Variants in CEP170B observed in about 807,000 individuals in gnomAD.
CEP170B encodes the protein centrosomal protein of 170 kDa protein B.
CEP170B carries 55 observed loss-of-function variants against 120.6 expected under a neutral mutation model. The observed-to-expected ratio is 0.46, with a 90% CI of 0.37 to 0.57. The LOEUF (loss-of-function observed/expected upper bound fraction) is 0.57. Ranked by LOEUF, CEP170B falls within the 20% of genes least tolerant of loss-of-function variation. The pLI, the probability that CEP170B is intolerant of heterozygous loss-of-function variation, is 0.00. For synonymous variants in CEP170B, 1,033 were observed against 954.5 expected, an observed-to-expected ratio of 1.08 and a Z score of -1.52; for missense variants, 2,212 against 2,253.3, an observed-to-expected ratio of 0.98 and a Z score of 0.37.
upstream of CEP170B, among the ~76,000 whole-genome samples, chr14:104,864,837 G>C (rs756332451): frequency 4.5e-4 from 69 of 152,156 alleles, no homozygotes; most frequent in Non-Finnish European, 9.7e-4. The surrounding 1 kb of genome is among the most constrained non-coding windows in gnomAD (Gnocchi z 5.9). Flanking sequence ...GACTCGAGGC[G>C]CGGCTGGAGC....
In CEP170B at chr14:104,887,026, C is replaced by G. The variant is rs570022186; in HGVS notation, c.2787C>G (p.Leu929=). The G allele has an allele frequency of 4.3e-6, 7 of 1,611,078 alleles. No individual in the cohort carries two copies. In the South Asian group the frequency reaches 5.5e-5, roughly 13 times the overall value. ...TALAALEARL[L]SNSVDAECEG... ...TGGCGGCCCTGGAGGCCCGACTCCT[C>G]TCTAATTCTGTGGATGCCGAGTGTG... Residue 929 remains leucine, a synonymous_variant, in exon 12 of 19, where the codon CTC becomes CTG. Transcript: ENST00000414716.
Position 104,887,727 on chromosome 14 carries a change from A to G in CEP170B, c.3488A>G (p.Lys1163Arg). Reference sequence around the variant, plus strand: ...CGGCCAGCTGCTGAGCAGGCCAAGAAGCTGTCACGCCTGGACATCCTGGCC... The same window carrying G: ...CGGCCAGCTGCTGAGCAGGCCAAGAGGCTGTCACGCCTGGACATCCTGGCC... Reference protein sequence around the residue: ...VGRPAAEQAKKLSRLDILAMP... With the variant: ...VGRPAAEQAKRLSRLDILAMP... Residue 1163 changes from lysine (K) to arginine (R), a missense_variant, in exon 12 of 19, where the codon AAG (lysine) becomes AGG (arginine). Physicochemically the swap from Lys to Arg is conservative, Grantham distance 26. This residue lies in a region of CEP170B where 2,166 missense variants were observed against 2,166.7 expected (regional missense o/e 1.00). Transcript: ENST00000414716. 6.3e-7 allele frequency: 1 copy of G among 1,586,700 alleles called. No homozygotes were observed. Among genetic ancestry groups the G allele is most frequent in the Non-Finnish European group, 8.6e-7 (1 of 1,168,346 alleles).
Position 104,884,479 on chromosome 14 carries a change from C to T in CEP170B, c.1700C>T (p.Ala567Val), listed in dbSNP as rs1896343688. The change falls in exon 9 of 19, where the codon GCA becomes GTA. Residue 567 changes from alanine to valine, a missense_variant. Physicochemically the swap from Ala to Val is moderately conservative, Grantham distance 64. This residue lies in a region of CEP170B where 2,166 missense variants were observed against 2,166.7 expected (regional missense o/e 1.00). Transcript: ENST00000414716. ...KQEEDDSLSD[A>V]GTYTIETEAQ... is the part of the protein sequence containing the mutation. ...GAGGAGGACGACAGCCTCAGTGACG[C>T]AGGGACATACACCATCGAGACCGAG... 1.3e-6 allele frequency: 2 copies of T among 1,563,570 alleles called. No homozygotes were observed. The highest frequency in any genetic ancestry group is 1.7e-6 in the Non-Finnish European group (2 of 1,153,926).
intron 12 of CEP170B, among the ~76,000 whole-genome samples, chr14:104,889,261 C>T (rs974815928): frequency 2.0e-5 from 3 of 152,148 alleles, no homozygotes; most frequent in South Asian, 2.1e-4. Context: ...AGACTGCTCC[C>T]GGGTTGCAGC....
At chr14:104,869,680 G>T (rs574064499) in intron 2 of CEP170B, among the ~76,000 whole-genome samples, 1 of 152,306 alleles carries the variant, frequency 6.6e-6, no homozygotes, top group Admixed American at 6.5e-5. Context: ...CCTTGGGAAT[G>T]GGATCAGGGA....
intron 9 of CEP170B, 31 bp downstream of exon 9, chr14:104,884,580 TG>T: frequency 7.1e-7 from 1 of 1,400,000 alleles, no homozygotes; most frequent in South Asian, 1.3e-5. Context: ...AGAGCCCTCG[TG>T]GGGAACGGGG....
At position 104,894,548 on chromosome 14, in the gene CEP170B, C is replaced by T. The variant is rs1277467698; in HGVS notation, c.4377C>T (p.Ser1459=). The change falls in exon 18 of 19, where the codon TCC becomes TCT. Residue 1459 remains serine (S), a synonymous_variant. Coordinates refer to ENST00000414716, the MANE Select transcript of CEP170B (RefSeq NM_001112726.3). ...TGCCACGTTTCCAGGAAATCAGCTC[C>T]ATCCTGAAGGAACTGAGGCGGGTGC... is the stretch of plus-strand genomic sequence containing the variant. ...ILKTSNKEIS[S]ILKELRRVQK... 6.2e-7 allele frequency: 1 copy of T among 1,612,624 alleles called. No individual in the cohort carries two copies.
Position 104,883,919 on chromosome 14 carries a change from C to T in CEP170B, c.1140C>T (p.Ser380=), listed in dbSNP as rs747547386. 9.4e-5 allele frequency: 150 copies of T among 1,595,506 alleles called. No individual in the cohort carries two copies. The highest frequency in any genetic ancestry group is 1.2e-4 in the Non-Finnish European group (142 of 1,171,534). The change falls in exon 9 of 19, where the codon AGC becomes AGT. Residue 380 remains serine, a synonymous_variant. Transcript: ENST00000414716. ...ASAAGVPLEA[S]GEQVRLQRQI... ...CCGCTGGGGTGCCCTTGGAGGCCAG[C>T]GGGGAGCAGGTGCGGCTGCAGAGGC...
In CEP170B at chr14:104,890,566, G is replaced by A. The variant is rs111206930; in HGVS notation, c.3878+808G>A. ...GATGGGTGAGTAGGTGGGTGGGTGG[G>A]TGGATGGATGGATGGATGGATGGGT... On this transcript the variant is annotated intron_variant, in intron 13 of 18. Transcript: ENST00000414716. Among the ~76,000 whole-genome samples the A allele has an allele frequency of 8.6e-3, 666 of 77,830 alleles. 8 individuals are homozygous for A. Among genetic ancestry groups the A allele is most frequent in the South Asian group, 0.014 (25 of 1,810 alleles). 51.1% of individuals were successfully genotyped at this position (77,830 alleles called of 152,430 possible).
Position 104,886,692 on chromosome 14 carries a change from A to G in CEP170B, c.2453A>G (p.Asp818Gly), listed in dbSNP as rs920437914. The change falls in exon 12 of 19, where the codon GAT becomes GGT. Residue 818 changes from aspartate to glycine, a missense_variant. Asp to Gly is a moderately conservative substitution (Grantham distance 94, BLOSUM62 -1). This residue lies in a region of CEP170B where 2,166 missense variants were observed against 2,166.7 expected (regional missense o/e 1.00). Transcript: ENST00000414716. ...AGGAAACCGCTTGCGGCTCCAGGGG[A>G]TGGGGAGGGCCTAGGGCAGACAGCC... ...LSRKPLAAPG[D>G]GEGLGQTAQP... The G allele has an allele frequency of 1.9e-6, 3 of 1,559,592 alleles. No homozygotes were observed. The highest frequency in any genetic ancestry group is 1.7e-6 in the Non-Finnish European group (2 of 1,153,902).
At position 104,883,933 on chromosome 14, in the gene CEP170B, G is replaced by A. The variant is rs376478179; in HGVS notation, c.1154G>A (p.Arg385Gln). Residue 385 changes from arginine to glutamine, a missense_variant, in exon 9 of 19, where the codon CGG (arginine) becomes CAG (glutamine). Coordinates refer to ENST00000414716, the MANE Select transcript of CEP170B (RefSeq NM_001112726.3). ...VPLEASGEQV[R>Q]LQRQIKRDPQ... Reference sequence around the variant, plus strand: ...TTGGAGGCCAGCGGGGAGCAGGTGCGGCTGCAGAGGCAGATCAAGCGGGAC... The same window carrying A: ...TTGGAGGCCAGCGGGGAGCAGGTGCAGCTGCAGAGGCAGATCAAGCGGGAC... 3.1e-5 allele frequency: 49 copies of A among 1,601,632 alleles called. No individual in the cohort carries two copies. The highest frequency in any genetic ancestry group is 4.5e-5 in the East Asian group (2 of 44,490).
rs199647851 is a variant in CEP170B at position 104,886,784 on chromosome 14, C to T, written c.2545C>T (p.Arg849Trp). ...SANGRMVIQL[R>W]PGRSPEPDGP... ...CAATGGGAGAATGGTCATCCAGCTA[C>T]GGCCTGGACGGTCCCCAGAACCCGA... The change falls in exon 12 of 19, where the codon CGG becomes TGG. Residue 849 changes from arginine (R) to tryptophan (W), a missense_variant. Coordinates refer to ENST00000414716, the MANE Select transcript of CEP170B (RefSeq NM_001112726.3). 45 of 1,611,498 alleles carry T rather than the reference C, an allele frequency of 2.8e-5. No homozygotes were observed. The highest frequency in any genetic ancestry group is 6.7e-5 in the East Asian group (3 of 44,890).
rs1896861558 is a variant in CEP170B at position 104,891,697 on chromosome 14, G to T, written c.3879-1279G>T. Among the ~76,000 whole-genome samples the T allele has an allele frequency of 1.3e-5, 2 of 152,082 alleles. No individual in the cohort carries two copies. The highest frequency in any genetic ancestry group is 6.5e-5 in the Admixed American group (1 of 15,274). Reference sequence around the variant, plus strand: ...GCTTCCAGGCCTGAGAGCAGAAGGGGATGTGGGGGGCCCATGTGGGTTTCT... The same window carrying T: ...GCTTCCAGGCCTGAGAGCAGAAGGGTATGTGGGGGGCCCATGTGGGTTTCT... On this transcript the variant is annotated intron_variant, in intron 13 of 18. Coordinates refer to ENST00000414716, the MANE Select transcript of CEP170B (RefSeq NM_001112726.3). This position sits in a 1 kb window ranked among gnomAD's most constrained non-coding sequence, Gnocchi z 4.3.
chr14:104,888,216 C>T (rs572937972), intron 12 of CEP170B, among the ~76,000 whole-genome samples: 1 of 152,326 alleles, frequency 6.6e-6, no homozygotes, highest in African/African-American at 2.4e-5. Context: ...CCATCTCTGG[C>T]GTGGAGAGGG....
chr14:104,885,241 C>T (rs1003764662), intron 9 of CEP170B, 128 bp from the exon 10 acceptor site: 36 of 1,054,598 alleles, frequency 3.4e-5, no homozygotes, highest in African/African-American at 1.7e-4. Flanking sequence ...CTGCATGTCC[C>T]GGCCACCAGC....
In CEP170B at chr14:104,872,411, GC is replaced by G. The variant is rs150086341; in HGVS notation, c.106-3843del. Among the ~76,000 whole-genome samples, 13 of 68,458 alleles carry G rather than the reference GC, an allele frequency of 1.9e-4. 1 individual carries two copies. The highest frequency in any genetic ancestry group is 1.1e-3 in the Admixed American group (6 of 5,692). 44.9% of individuals were successfully genotyped at this position (68,458 alleles called of 152,430 possible). On this transcript the variant is annotated intron_variant, in intron 2 of 18. Transcript: ENST00000414716. The stretch of plus-strand genomic sequence containing the variant: ...GTGTGCCGTGGGTGTGCGTGGGTGT[GC>G]CGTGGGTGTGCCGTGCGTGTGTGCG...
At chr14:104,877,862 C>T (rs746666943) in intron 3 of CEP170B, 23 bp from the exon 4 acceptor site, 26 of 1,192,886 alleles carry the variant, frequency 2.2e-5, no homozygotes, top group African/African-American at 3.4e-5. Flanking sequence ...CCCCCCCCCC[C>T]CCCGCCACCT....
intron 9 of CEP170B, 28 bp from the exon 10 acceptor site, chr14:104,885,341 G>A (rs755789070): frequency 5.9e-6 from 9 of 1,527,912 alleles, no homozygotes; most frequent in South Asian, 1.2e-5. Context: ...TCTGACCCTC[G>A]GTGCCTGGGA....
rs1461705858 is a variant in CEP170B at position 104,886,101 on chromosome 14, C to G, written c.2006C>G (p.Ala669Gly). The part of the protein sequence containing the change: ...QKWVSRWASL[A>G]DSYSDPGLTE... The stretch of plus-strand genomic sequence containing the variant: ...TGGGTGTCCCGCTGGGCCAGCCTGG[C>G]TGACAGCTACTCAGACCCGGGCCTC... Residue 669 changes from alanine (A) to glycine (G), a missense_variant, in exon 11 of 19, where the codon GCT becomes GGT. By Grantham distance (60) the Ala-to-Gly change is moderately conservative (BLOSUM62 0). This residue lies in a region of CEP170B where 2,166 missense variants were observed against 2,166.7 expected (regional missense o/e 1.00). Coordinates refer to ENST00000414716, the MANE Select transcript of CEP170B (RefSeq NM_001112726.3). 1.9e-6 allele frequency: 3 copies of G among 1,546,092 alleles called. No homozygotes were observed. Among genetic ancestry groups the G allele is most frequent in the Admixed American group, 2.0e-5 (1 of 50,932 alleles).
Sources: allele counts gnomAD v4.1 joint callset (sites outside exome capture counted in the v4.1 genomes callset), GRCh38; gene constraint gnomAD v4.1.1; regional missense constraint gnomAD v4.1.1; non-coding constraint Gnocchi (gnomAD v3.1); transcripts MANE v1.5; gene names NCBI Gene and HGNC (gene_info 2026-07-23, HGNC 2026-07-21).